Variants in LRMDA observed in about 807,000 individuals in gnomAD.
LRMDA encodes the protein leucine-rich melanocyte differentiation-associated protein.
A neutral mutation model predicts 29.8 loss-of-function variants in LRMDA; 18 were observed. That is an observed-to-expected ratio of 0.60 (90% CI 0.42 to 0.90). LRMDA has a LOEUF of 0.90. LRMDA is among the 40% of genes least tolerant of loss of function. LRMDA has a pLI of 0.00. For synonymous variants in LRMDA, 125 were observed against 109.4 expected, an observed-to-expected ratio of 1.14 and a Z score of -0.89; for missense variants, 273 against 273.9, an observed-to-expected ratio of 1.00 and a Z score of 0.02.
intron 6 of LRMDA, among the ~76,000 whole-genome samples, chr10:76,402,985 G>A (rs1841864923): frequency 1.3e-5 from 2 of 151,804 alleles, no homozygotes; most frequent in Non-Finnish European, 2.9e-5. Flanking sequence ...AAGGACTGTT[G>A]GATTTGTTTC....
At chr10:75,558,065 C>A (rs1357316888) in intron 2 of LRMDA, among the ~76,000 whole-genome samples, 1 of 151,996 alleles carries the variant, frequency 6.6e-6, no homozygotes, top group Non-Finnish European at 1.5e-5. Context: ...ACAAACAACA[C>A]TCATGCCCCC....
intron 2 of LRMDA, among the ~76,000 whole-genome samples, chr10:75,532,201 T>G (rs1404935262): frequency 6.6e-6 from 1 of 152,112 alleles, no homozygotes; most frequent in Non-Finnish European, 1.5e-5. Context: ...TTTCCTAACA[T>G]CTCAGATTTG....
chr10:75,995,246 C>T (rs1847441877), intron 2 of LRMDA, among the ~76,000 whole-genome samples: 2 of 152,132 alleles, frequency 1.3e-5, no homozygotes, highest in African/African-American at 2.4e-5. Flanking sequence ...CTCTTTCCTG[C>T]CTCCTTTCAG....
intron 5 of LRMDA, among the ~76,000 whole-genome samples, chr10:76,169,341 A>G (rs1850793815): frequency 6.6e-6 from 1 of 152,156 alleles, no homozygotes; most frequent in Non-Finnish European, 1.5e-5. Context: ...ACATTTTTAA[A>G]TACTCTTTTA....
chr10:76,105,894 A>C (rs758286534), intron 5 of LRMDA, among the ~76,000 whole-genome samples: 3 of 152,030 alleles, frequency 2.0e-5, no homozygotes, highest in Non-Finnish European at 4.4e-5. Flanking sequence ...CTACAGGCGC[A>C]TGCCACCATG....
Position 76,552,837 on chromosome 10 carries a change from C to T in LRMDA, c.602-4372C>T, listed in dbSNP as rs191704615. 1.2e-4 allele frequency among the ~76,000 whole-genome samples: 18 copies of T among 152,232 alleles called. No individual in the cohort carries two copies. In the East Asian group the frequency reaches 3.3e-3, roughly 28 times the overall value. On this transcript the variant is annotated intron_variant, in intron 6 of 6. Coordinates refer to ENST00000611255, the MANE Select transcript of LRMDA (RefSeq NM_001305581.2). ...GAATGGATGTGCAAGAATTCCCTTC[C>T]CTGGACTGGGCTCTCAGGGCCTCCC... is the stretch of plus-strand genomic sequence containing the variant.
At chr10:75,886,664 C>G (rs1845396884) in intron 2 of LRMDA, among the ~76,000 whole-genome samples, 1 of 152,122 alleles carries the variant, frequency 6.6e-6, no homozygotes, top group African/African-American at 2.4e-5. Flanking sequence ...TCTTGCATGG[C>G]TATTTAACTC....
chr10:75,919,352 A>G (rs889032857), intron 2 of LRMDA, among the ~76,000 whole-genome samples: 29 of 152,164 alleles, frequency 1.9e-4, no homozygotes, highest in Non-Finnish European at 2.5e-4. Flanking sequence ...GCAAATTTTT[A>G]TTCTTGGCAT....
chr10:76,452,933 A>G (rs889716372), intron 6 of LRMDA, among the ~76,000 whole-genome samples: 3 of 152,224 alleles, frequency 2.0e-5, no homozygotes, highest in Non-Finnish European at 4.4e-5. Flanking sequence ...TCTACTGGAC[A>G]GTAAACTTTG....
chr10:75,895,739 C>T (rs755650741), intron 2 of LRMDA, among the ~76,000 whole-genome samples: 2 of 152,108 alleles, frequency 1.3e-5, no homozygotes, highest in South Asian at 2.1e-4. Context: ...TAGAACAGCA[C>T]GTGAAGGAAG....
chr10:75,904,655 C>T (rs751842601), intron 2 of LRMDA, among the ~76,000 whole-genome samples: 25 of 152,190 alleles, frequency 1.6e-4, no homozygotes, highest in East Asian at 3.8e-4. Context: ...TCCACGGCAA[C>T]GCCACCAGCA....
chr10:75,824,836 A>G (rs1388483114), intron 2 of LRMDA, among the ~76,000 whole-genome samples: 1 of 152,222 alleles, frequency 6.6e-6, no homozygotes, highest in African/African-American at 2.4e-5. Context: ...ATGCATTTCT[A>G]AAGGTTTTCC....
chr10:76,516,805 G>A (rs529679962), intron 6 of LRMDA, among the ~76,000 whole-genome samples: 25 of 152,252 alleles, frequency 1.6e-4, no homozygotes, highest in Non-Finnish European at 2.2e-4. Flanking sequence ...ATAAACATAC[G>A]TGTGCATGTG....
At chr10:75,871,208 A>G (rs987251233) in intron 2 of LRMDA, among the ~76,000 whole-genome samples, 4 of 151,948 alleles carry the variant, frequency 2.6e-5, no homozygotes, top group African/African-American at 9.7e-5. Flanking sequence ...TCCTTGGCTC[A>G]CCTCTGGTTT....
intron 2 of LRMDA, among the ~76,000 whole-genome samples, chr10:75,808,651 A>G (rs1438876467): frequency 6.6e-6 from 1 of 152,100 alleles, no homozygotes; most frequent in East Asian, 1.9e-4. Context: ...CTGGGATTAT[A>G]GGCATGCACC....
chr10:76,197,943 G>A (rs1411164110), intron 5 of LRMDA, among the ~76,000 whole-genome samples: 2 of 152,056 alleles, frequency 1.3e-5, no homozygotes, highest in African/African-American at 4.8e-5. Flanking sequence ...ATTGTTAGTA[G>A]TTCCACTGCT....
chr10:76,018,740 G>T (rs929479808), intron 2 of LRMDA, among the ~76,000 whole-genome samples: 2 of 151,616 alleles, frequency 1.3e-5, no homozygotes, highest in African/African-American at 4.8e-5. Flanking sequence ...GCTGATTTTT[G>T]TATTTTTAGT....
At chr10:75,521,946 C>T (rs1442218933) in intron 2 of LRMDA, among the ~76,000 whole-genome samples, 2 of 152,246 alleles carry the variant, frequency 1.3e-5, no homozygotes, top group Admixed American at 6.5e-5. Context: ...GATCCTGATA[C>T]ATCCTTAGAA....
At chr10:76,328,021 C>T (rs1329226400) in intron 6 of LRMDA, among the ~76,000 whole-genome samples, 1 of 152,210 alleles carries the variant, frequency 6.6e-6, no homozygotes, top group African/African-American at 2.4e-5. Flanking sequence ...AGGGGTCAGA[C>T]TCTCAGTAAG....
Sources: gnomAD v4.1 joint callset for allele counts (sites outside exome capture counted in the v4.1 genomes callset) on GRCh38, gnomAD v4.1.1 for gene constraint, MANE v1.5 for transcripts, NCBI Gene and HGNC (gene_info 2026-07-23, HGNC 2026-07-21) for gene names.